KIAA0825: variants seen among roughly 807,000 people sequenced by gnomAD.
The protein encoded by KIAA0825 is uncharacterized protein KIAA0825.
A neutral mutation model predicts 147.6 loss-of-function variants in KIAA0825; 119 were observed. That is an observed-to-expected ratio of 0.81 (90% confidence interval 0.69 to 0.94). KIAA0825 has a LOEUF of 0.94. Ranked by LOEUF, KIAA0825 falls within the 40% of genes least tolerant of loss-of-function variation. The pLI, the probability that KIAA0825 is intolerant of heterozygous loss-of-function variation, is 0.00. For missense variants in KIAA0825, 1,381 were observed against 1,472.7 expected, an observed-to-expected ratio of 0.94 and a Z score of 1.02; for synonymous variants, 470 against 518.1, an observed-to-expected ratio of 0.91 and a Z score of 1.26.
intron 20 of KIAA0825, among the ~76,000 whole-genome samples, chr5:94,329,734 A>T (rs1450181378): frequency 1.3e-5 from 2 of 152,084 alleles, no homozygotes; most frequent in African/African-American, 2.4e-5. Flanking sequence ...GAGTTCCTTA[A>T]TTTTTTCCCT....
chr5:94,332,574 A>G lies in KIAA0825; in HGVS notation c.3710+51794T>C, dbSNP rs564174093. Among the ~76,000 whole-genome samples, 16 of 152,264 alleles carry G rather than the reference A, an allele frequency of 1.1e-4. 1 individual carries two copies. In the South Asian group the frequency reaches 3.3e-3, roughly 32 times the overall value. ...TTAACTCATTCCTTTTTATGGCTGC[A>G]TAGAATTCCATGTTGTATATGTGCC... On this transcript the variant is annotated intron_variant, in intron 20 of 20. Transcript: ENST00000682413.
At chr5:94,599,811 T>C (rs961489925) in intron 1 of KIAA0825, among the ~76,000 whole-genome samples, 1 of 152,152 alleles carries the variant, frequency 6.6e-6, no homozygotes, top group Non-Finnish European at 1.5e-5. Context: ...TCTGCCCCAG[T>C]AAGACTGCAG....
intron 2 of KIAA0825, among the ~76,000 whole-genome samples, chr5:94,552,797 A>C (rs1291029646): frequency 6.6e-6 from 1 of 152,228 alleles, no homozygotes; most frequent in Non-Finnish European, 1.5e-5. Context: ...GCTAACACTT[A>C]CATATGATAG....
chr5:94,512,003 T>A (rs1028033848), intron 5 of KIAA0825, among the ~76,000 whole-genome samples: 3 of 151,898 alleles, frequency 2.0e-5, no homozygotes, highest in African/African-American at 7.2e-5. Flanking sequence ...AAAAAAATAA[T>A]AATAATAAAA....
chr5:94,264,566 T>C (rs991286891), intron 20 of KIAA0825, among the ~76,000 whole-genome samples: 9 of 152,214 alleles, frequency 5.9e-5, no homozygotes, highest in Non-Finnish European at 1.2e-4. Flanking sequence ...ATGTACATCA[T>C]AAATATCTTT....
chr5:94,309,650 A>C (rs1358661011), intron 20 of KIAA0825, among the ~76,000 whole-genome samples: 1 of 151,736 alleles, frequency 6.6e-6, no homozygotes, highest in African/African-American at 2.4e-5. Context: ...GGTTTCAGGC[A>C]TAGGATACGA....
intron 5 of KIAA0825, among the ~76,000 whole-genome samples, chr5:94,490,648 T>G (rs1763624288): frequency 6.6e-6 from 1 of 151,924 alleles, no homozygotes; most frequent in Non-Finnish European, 1.5e-5. Context: ...CCCTACATTT[T>G]TAAAAAAGTC....
intron 20 of KIAA0825, among the ~76,000 whole-genome samples, chr5:94,332,749 A>G (rs2150297106): frequency 6.6e-6 from 1 of 152,296 alleles, no homozygotes; most frequent in Admixed American, 6.5e-5. Context: ...ATACTCAGTA[A>G]TGGGATTGCT....
intron 14 of KIAA0825, among the ~76,000 whole-genome samples, chr5:94,422,202 C>G (rs1021917625): frequency 6.6e-6 from 1 of 152,146 alleles, no homozygotes; most frequent in East Asian, 1.9e-4. Flanking sequence ...CAGGCCTTCA[C>G]GGAATTCTGA....
intron 3 of KIAA0825, among the ~76,000 whole-genome samples, chr5:94,533,011 C>T (rs1188273376): frequency 6.7e-6 from 1 of 149,524 alleles, no homozygotes; most frequent in Non-Finnish European, 1.5e-5. Context: ...CGGAGTCTCG[C>T]TCTGTCGCCC....
chr5:94,152,861 TATATA>T lies in KIAA0825; in HGVS notation c.*1141_*1145del, dbSNP rs1766664673. On this transcript the variant is annotated 3_prime_UTR_variant, in exon 21 of 21. Coordinates refer to ENST00000682413, the MANE Select transcript of KIAA0825 (RefSeq NM_001145678.3). ...AAAAAAAAAAAAAAAAAAAATTATA[TATATA>T]TATATATATATATATATATATATAT... 2.5e-4 allele frequency: 1 copy of T among 4,016 alleles called. No individual in the cohort carries two copies. The highest frequency in any genetic ancestry group is 4.5e-4 in the Non-Finnish European group (1 of 2,220). The allele number at this position is 4,016 out of a possible 1,614,324, so 0.2% of individuals were successfully genotyped here. A position where few individuals can be genotyped will look rare whatever the true frequency, so the allele number is the denominator to read the frequency against.
chr5:94,435,400 C>T (rs765147689), intron 14 of KIAA0825, among the ~76,000 whole-genome samples: 14 of 150,978 alleles, frequency 9.3e-5, no homozygotes, highest in Non-Finnish European at 1.5e-4. Flanking sequence ...GCTTTCTGTT[C>T]CTGTGTCAGT....
At chr5:94,199,710 G>A (rs529742057) in intron 20 of KIAA0825, among the ~76,000 whole-genome samples, 2 of 152,312 alleles carry the variant, frequency 1.3e-5, no homozygotes, top group Admixed American at 6.5e-5. Flanking sequence ...CTGGTGGGAT[G>A]GTGGGAGGAG....
chr5:94,542,343 A>C (rs1773499043), intron 2 of KIAA0825, among the ~76,000 whole-genome samples: 1 of 152,264 alleles, frequency 6.6e-6, no homozygotes, highest in South Asian at 2.1e-4. Context: ...AGAATCAAGA[A>C]AACTTTTATT....
intron 20 of KIAA0825, among the ~76,000 whole-genome samples, chr5:94,226,512 C>T (rs1385573517): frequency 6.6e-6 from 1 of 152,026 alleles, no homozygotes; most frequent in Non-Finnish European, 1.5e-5. Context: ...ATCCCATAAA[C>T]TGAGTATATA....
intron 20 of KIAA0825, among the ~76,000 whole-genome samples, chr5:94,276,096 G>C (rs1257399430): frequency 6.6e-6 from 1 of 152,068 alleles, no homozygotes; most frequent in Non-Finnish European, 1.5e-5. Context: ...TGCATGCTAG[G>C]TCTCTGGAAG....
rs1766694320 is a variant in KIAA0825, at chr5:94,152,898, A to G, written c.*1109T>C. 2.5e-5 allele frequency: 1 copy of G among 39,356 alleles called. No individual in the cohort carries two copies. The highest frequency in any genetic ancestry group is 4.9e-5 in the Non-Finnish European group (1 of 20,454). The allele number at this position is 39,356 out of a possible 1,614,324, so 2.4% of individuals were successfully genotyped here. ...TATATATATATATATATATATATAT[A>G]TATATGGTTTCTCCCAGACGTTCTT... On this transcript the variant is annotated 3_prime_UTR_variant, in exon 21 of 21. Coordinates refer to ENST00000682413, the MANE Select transcript of KIAA0825 (RefSeq NM_001145678.3).
At chr5:94,356,162 A>T (rs1187538090) in intron 20 of KIAA0825, among the ~76,000 whole-genome samples, 1 of 152,158 alleles carries the variant, frequency 6.6e-6, no homozygotes, top group African/African-American at 2.4e-5. Flanking sequence ...TACTTATTCA[A>T]TGTTTTAAAA....
chr5:94,512,345 G>A (rs999848768), intron 5 of KIAA0825, among the ~76,000 whole-genome samples: 4 of 151,916 alleles, frequency 2.6e-5, no homozygotes, highest in South Asian at 2.1e-4. Flanking sequence ...AATATTCAAC[G>A]TTTATAATAG....
Sources: allele counts gnomAD v4.1 joint callset (sites outside exome capture counted in the v4.1 genomes callset), GRCh38; gene constraint gnomAD v4.1.1; transcripts MANE v1.5; gene names NCBI Gene and HGNC (gene_info 2026-07-23, HGNC 2026-07-21).